FTO: variants seen among roughly 807,000 people sequenced by gnomAD.
FTO encodes the protein FTO alpha-ketoglutarate dependent dioxygenase, also known as alpha-ketoglutarate-dependent dioxygenase FTO.
Under a neutral mutation model 63.9 loss-of-function variants are expected in FTO, and 47 were observed. That is an observed-to-expected ratio of 0.74 (90% CI 0.58 to 0.94). The LOEUF (loss-of-function observed/expected upper bound fraction) is 0.94, where lower values mean the gene tolerates loss of function less well. Among genes scored for constraint, FTO ranks in the 40% least tolerant of loss-of-function variants. The probability of loss-of-function intolerance (pLI) is 0.00; values close to 1 mark genes in which losing one functional copy is unlikely to be tolerated. For missense variants in FTO, 562 were observed against 618.1 expected (o/e 0.91, Z 0.96); for synonymous variants, 207 against 224.4 (o/e 0.92, Z 0.69).
chr16:54,064,153 A>G (rs1215874408), intron 8 of FTO, among the ~76,000 whole-genome samples: 2 of 152,204 alleles, frequency 1.3e-5, no homozygotes, highest in Admixed American at 6.5e-5. Context: ...AAAATGGTAC[A>G]TGTAGCTTTA....
At chr16:53,902,397 T>C (rs909859941) in intron 7 of FTO, among the ~76,000 whole-genome samples, 2 of 152,150 alleles carry the variant, frequency 1.3e-5, no homozygotes, top group African/African-American at 2.4e-5. Context: ...ACCCCAGATT[T>C]CCCAGTTCCC....
chr16:53,787,157 A>C (rs2077769934), intron 1 of FTO, among the ~76,000 whole-genome samples: 1 of 146,966 alleles, frequency 6.8e-6, no homozygotes, highest in African/African-American at 2.5e-5. Flanking sequence ...AAGAAACACC[A>C]TCCTTGTAAA....
chr16:53,711,401 C>A, intron 1 of FTO: 1 of 398,480 alleles, frequency 2.5e-6, no homozygotes, highest in Non-Finnish European at 4.4e-6. Flanking sequence ...TACTCAGCAC[C>A]AGGGTAAAGA....
intron 4 of FTO, among the ~76,000 whole-genome samples, chr16:53,847,505 C>T (rs1447845716): frequency 2.0e-5 from 3 of 152,172 alleles, no homozygotes; most frequent in African/African-American, 7.2e-5. Flanking sequence ...CAGTGGCTCA[C>T]ACCTGTAATC....
intron 8 of FTO, among the ~76,000 whole-genome samples, chr16:54,095,976 C>T (rs1250572544): frequency 6.6e-6 from 1 of 152,210 alleles, no homozygotes; most frequent in African/African-American, 2.4e-5. Flanking sequence ...TTGCTAGCAG[C>T]TGAATACAGT....
rs556357629 is a variant in FTO at position 53,815,636 on chromosome 16, G to GTTTTTTTTTTTTTTT, written c.123+5435_123+5449dup. Among the ~76,000 whole-genome samples the GTTTTTTTTTTTTTTT allele has an allele frequency of 2.9e-4, 28 of 98,158 alleles. 4 individuals carry two copies. The highest frequency in any genetic ancestry group is 9.2e-4 in the African/African-American group (17 of 18,542). 64.4% of individuals were successfully genotyped at this position (98,158 alleles called of 152,430 possible). On this transcript the variant is annotated intron_variant, in intron 2 of 8. Transcript: ENST00000471389. ...ACCCTATAAGGCCATTGACTTTCTT[G>GTTTTTTTTTTTTTTT]TTTTTTTTTTTTTTTTTTTTTTTTT...
chr16:53,915,311 G>A (rs529108431), intron 7 of FTO, among the ~76,000 whole-genome samples: 1 of 152,138 alleles, frequency 6.6e-6, no homozygotes. Flanking sequence ...TTACTATAGT[G>A]AACCATGAAA....
At chr16:53,889,575 G>A (rs1304785095) in intron 7 of FTO, among the ~76,000 whole-genome samples, 1 of 152,188 alleles carries the variant, frequency 6.6e-6, no homozygotes, top group Admixed American at 6.5e-5. Context: ...CCAGAGGAGG[G>A]AGTATTACAT....
At chr16:54,097,485 G>A (rs575549290) in intron 8 of FTO, among the ~76,000 whole-genome samples, 2 of 151,876 alleles carry the variant, frequency 1.3e-5, no homozygotes, top group African/African-American at 4.8e-5. Flanking sequence ...GTACTACAGG[G>A]TACTATTACT....
At chr16:53,792,352 C>G (rs1050681806) in intron 1 of FTO, among the ~76,000 whole-genome samples, 3 of 152,108 alleles carry the variant, frequency 2.0e-5, no homozygotes, top group Non-Finnish European at 4.4e-5. Context: ...TCAGCTGTGA[C>G]TATACAGGGG....
At chr16:54,059,368 C>A (rs75625712) in intron 8 of FTO, among the ~76,000 whole-genome samples, 1 of 152,224 alleles carries the variant, frequency 6.6e-6, no homozygotes, top group East Asian at 1.9e-4. Context: ...CTTTGCAGGG[C>A]CTTTATTTTC....
chr16:53,760,205 GGTGTGTGTGTGT>G (rs1173270081), intron 1 of FTO, among the ~76,000 whole-genome samples: 58 of 125,598 alleles, frequency 4.6e-4, no homozygotes, highest in East Asian at 7.2e-4. Context: ...CTTCAGCTTT[GGTGTGTGTGTGT>G]GTGTGTGTGT....
intron 1 of FTO, among the ~76,000 whole-genome samples, chr16:53,774,731 A>G (rs978367213): frequency 6.6e-6 from 1 of 152,166 alleles, no homozygotes; most frequent in African/African-American, 2.4e-5. Context: ...TGGGCTTCTG[A>G]AACAATATTA....
At chr16:53,942,175 C>T (rs937341745) in intron 8 of FTO, among the ~76,000 whole-genome samples, 16 of 152,134 alleles carry the variant, frequency 1.1e-4, no homozygotes, top group African/African-American at 3.9e-4. Flanking sequence ...TGGAAGTAAG[C>T]ACTGGTTATT....
chr16:53,976,066 C>T (rs1270370588), intron 8 of FTO, among the ~76,000 whole-genome samples: 2 of 152,162 alleles, frequency 1.3e-5, no homozygotes, highest in Non-Finnish European at 2.9e-5. Context: ...GTGCTTTTCA[C>T]TGTAAAAATT....
intron 8 of FTO, among the ~76,000 whole-genome samples, chr16:53,941,510 A>C (rs988660400): frequency 6.6e-6 from 1 of 152,214 alleles, no homozygotes; most frequent in Non-Finnish European, 1.5e-5. Context: ...CCAGAATGAA[A>C]GTTTTATGAG....
chr16:53,879,881 G>C lies in FTO; in HGVS notation c.1013G>C (p.Cys338Ser). The C allele has an allele frequency of 6.2e-7, 1 of 1,613,910 alleles. No homozygotes were observed. Residue 338 changes from cysteine to serine, a missense_variant, in exon 6 of 9, where the codon TGT becomes TCT. By Grantham distance (112) the Cys-to-Ser change is moderately radical. Transcript: ENST00000471389. ...ACCTTGGATTATATTTTACAACGCTGTCAGTTGGCTCTGCAGAATGTCTGT... is the reference window on the plus strand; with the variant it reads ...ACCTTGGATTATATTTTACAACGCTCTCAGTTGGCTCTGCAGAATGTCTGT... ...TGTLDYILQR[C>S]QLALQNVCDD...
At chr16:53,858,790 G>A (rs779519864) in intron 4 of FTO, among the ~76,000 whole-genome samples, 1 of 151,806 alleles carries the variant, frequency 6.6e-6, no homozygotes, top group East Asian at 1.9e-4. Context: ...TCTCCTGAGC[G>A]GCTGGGACTA....
rs761024417 is a variant in FTO at position 53,743,896 on chromosome 16, G to A, written c.45+39667G>A. On this transcript the variant is annotated intron_variant, in intron 1 of 8. Coordinates refer to ENST00000471389, the MANE Select transcript of FTO (RefSeq NM_001080432.3). ...GTTGCTTTCAGATTTTTTCCTCTCCGTTTGGAAGTTGTTAATTCATTATAG... is the reference window on the plus strand; with the variant it reads ...GTTGCTTTCAGATTTTTTCCTCTCCATTTGGAAGTTGTTAATTCATTATAG... Among the ~76,000 whole-genome samples, 6 of 149,550 alleles carry A rather than the reference G, an allele frequency of 4.0e-5. No homozygotes were observed. In the South Asian group the frequency reaches 8.7e-4, roughly 22 times the overall value.
Sources: allele counts gnomAD v4.1 joint callset (sites outside exome capture counted in the v4.1 genomes callset), GRCh38; gene constraint gnomAD v4.1.1; transcripts MANE v1.5; gene names NCBI Gene and HGNC (gene_info 2026-07-23, HGNC 2026-07-21).